The following PHLPP1 variants were observed in gnomAD, a reference collection of about 807,000 sequenced individuals.
The protein encoded by PHLPP1 is PH domain leucine-rich repeat-containing protein phosphatase 1.
A neutral mutation model predicts 117.2 loss-of-function variants in PHLPP1; 42 were observed. The observed-to-expected ratio is 0.36, with a 90% confidence interval of 0.28 to 0.46. The LOEUF is 0.46. PHLPP1 is among the 20% of genes least tolerant of loss of function. PHLPP1 has a pLI of 1.00. For synonymous variants in PHLPP1, 1,042 were observed against 970.7 expected (o/e 1.07, Z -1.37); for missense variants, 2,084 against 2,241.9 (o/e 0.93, Z 1.42).
intron 16 of PHLPP1, among the ~76,000 whole-genome samples, chr18:62,977,453 A>G (rs73963652): frequency 8.5e-6 from 1 of 117,582 alleles, no homozygotes; most frequent in African/African-American, 3.3e-5. Flanking sequence ...AAAAAAAAAA[A>G]CCCAGGTCTT....
chr18:62,937,422 G>A (rs1416450668), intron 10 of PHLPP1, among the ~76,000 whole-genome samples: 1 of 152,194 alleles, frequency 6.6e-6, no homozygotes, highest in Non-Finnish European at 1.5e-5. Context: ...GTGCACACGT[G>A]GTCTTCACAT....
intron 4 of PHLPP1, among the ~76,000 whole-genome samples, chr18:62,866,063 T>C (rs984710796): frequency 2.6e-5 from 4 of 152,208 alleles, no homozygotes; most frequent in African/African-American, 9.7e-5. Context: ...TCCAACCTAA[T>C]GCTCTCTTTT....
chr18:62,753,329 A>G (rs1911916159), intron 1 of PHLPP1, among the ~76,000 whole-genome samples: 1 of 152,218 alleles, frequency 6.6e-6, no homozygotes, highest in Admixed American at 6.5e-5. Context: ...TGATTTAATC[A>G]ACTGAGTTTA....
At chr18:62,721,292 G>T (rs1910907994) in intron 1 of PHLPP1, among the ~76,000 whole-genome samples, 1 of 152,130 alleles carries the variant, frequency 6.6e-6, no homozygotes, top group Non-Finnish European at 1.5e-5. Context: ...TTGGATTTAA[G>T]TTGATATGAA....
At chr18:62,752,246 C>A (rs1332684059) in intron 1 of PHLPP1, among the ~76,000 whole-genome samples, 1 of 151,998 alleles carries the variant, frequency 6.6e-6, no homozygotes, top group Non-Finnish European at 1.5e-5. Flanking sequence ...CTGTCCAGGC[C>A]CCCCGCGCCC....
intron 3 of PHLPP1, 72 bp from the exon 4 acceptor site, chr18:62,860,363 C>T (rs773044222): frequency 2.0e-5 from 26 of 1,283,378 alleles, no homozygotes; most frequent in African/African-American, 4.4e-5. Context: ...TTGGGATTAT[C>T]TTATTTCTAT....
At chr18:62,866,735 C>T (rs1184545760) in intron 4 of PHLPP1, among the ~76,000 whole-genome samples, 1 of 152,144 alleles carries the variant, frequency 6.6e-6, no homozygotes, top group African/African-American at 2.4e-5. Context: ...TTGGGCATGA[C>T]CCACTTCAGG....
At chr18:62,934,296 C>T (rs1007728943) in intron 10 of PHLPP1, among the ~76,000 whole-genome samples, 3 of 152,206 alleles carry the variant, frequency 2.0e-5, no homozygotes, top group Admixed American at 2.0e-4. Flanking sequence ...ACACTATTCA[C>T]AATAGCAAAG....
rs1491171718 is a variant in PHLPP1, at chr18:62,766,103, A to ATATATAT, written c.1576+48844_1576+48845insTATATAT. Among the ~76,000 whole-genome samples, 349 of 53,198 alleles carry ATATATAT rather than the reference A, an allele frequency of 6.6e-3. 13 individuals are homozygous for ATATATAT. The highest frequency in any genetic ancestry group is 0.012 in the Non-Finnish European group (290 of 25,062). 34.9% of individuals were successfully genotyped at this position (53,198 alleles called of 152,430 possible). On this transcript the variant is annotated intron_variant, in intron 1 of 16. Transcript: ENST00000262719. ...TATATATATATATATATATATATAT[A>ATATATAT]AAATATATATATATTTGTACAGAAA...
intron 6 of PHLPP1, among the ~76,000 whole-genome samples, chr18:62,901,443 T>C (rs1485671396): frequency 2.6e-5 from 4 of 152,192 alleles, no homozygotes. Flanking sequence ...GGCCATATGC[T>C]GTGCTTGCGT....
At position 62,941,855 on chromosome 18, in the gene PHLPP1, C is replaced by T. The variant is rs997150186; in HGVS notation, c.3098C>T (p.Thr1033Met). ...SLTDKCVPLL[T>M]GHPHLKILHM... ...ACAGACAAATGTGTGCCCTTGTTAA[C>T]GGGACACCCCCATTTGAAGATCCTT... Residue 1033 changes from threonine to methionine, a missense_variant, in exon 11 of 17, where the codon ACG becomes ATG. Thr to Met is a moderately conservative substitution (Grantham distance 81). This residue lies in a region of PHLPP1 where 1,365 missense variants were observed against 1,605.9 expected (regional missense o/e 0.85). Transcript: ENST00000262719. The T allele has an allele frequency of 2.8e-5, 45 of 1,613,850 alleles. No individual in the cohort carries two copies. Among genetic ancestry groups the T allele is most frequent in the East Asian group, 1.3e-4 (6 of 44,902 alleles).
In PHLPP1 at chr18:62,945,243, C is replaced by A. The variant is rs377561712; in HGVS notation, c.3296C>A (p.Pro1099His). The A allele has an allele frequency of 9.3e-6, 15 of 1,606,276 alleles. No individual in the cohort carries two copies. The African/African-American group carries it at 1.7e-4, about 19-fold the overall frequency. Reference sequence around the variant, plus strand: ...CACTCCAACTGCATCGAGGTCTTTCCCGAAGTTATGCAGCTCCCAGAGATC... The same window carrying A: ...CACTCCAACTGCATCGAGGTCTTTCACGAAGTTATGCAGCTCCCAGAGATC... ...IAHSNCIEVFPEVMQLPEIKC... is the reference protein window; with the variant it reads ...IAHSNCIEVFHEVMQLPEIKC... The change falls in exon 12 of 17, where the codon CCC becomes CAC. Residue 1099 changes from proline (P) to histidine (H), a missense_variant. Transcript: ENST00000262719.
chr18:62,950,868 G>T (rs1910435098), intron 12 of PHLPP1, among the ~76,000 whole-genome samples: 1 of 152,182 alleles, frequency 6.6e-6, no homozygotes, highest in Non-Finnish European at 1.5e-5. Flanking sequence ...CTACTGGAAA[G>T]TGGCCATTGA....
intron 1 of PHLPP1, among the ~76,000 whole-genome samples, chr18:62,799,478 G>T (rs527830622): frequency 6.6e-6 from 1 of 152,168 alleles, no homozygotes; most frequent in African/African-American, 2.4e-5. Context: ...AGAAAGGACC[G>T]CAGAGTTCAT....
At chr18:62,744,259 A>G (rs1187986112) in intron 1 of PHLPP1, among the ~76,000 whole-genome samples, 1 of 152,080 alleles carries the variant, frequency 6.6e-6, no homozygotes, top group African/African-American at 2.4e-5. Flanking sequence ...GTGCGAGCAC[A>G]CTCCTCATAC....
At chr18:62,888,910 T>C (rs1419876035) in intron 4 of PHLPP1, among the ~76,000 whole-genome samples, 1 of 152,210 alleles carries the variant, frequency 6.6e-6, no homozygotes, top group African/African-American at 2.4e-5. Flanking sequence ...CTCTCATAAC[T>C]TAAACATTGC....
At chr18:62,790,734 G>C (rs1255156541) in intron 1 of PHLPP1, among the ~76,000 whole-genome samples, 1 of 152,168 alleles carries the variant, frequency 6.6e-6, no homozygotes, top group Non-Finnish European at 1.5e-5. Context: ...AGAAACTGTG[G>C]ATAGAAAGAT....
At chr18:62,844,254 T>A (rs1270204821) in intron 3 of PHLPP1, among the ~76,000 whole-genome samples, 1 of 152,102 alleles carries the variant, frequency 6.6e-6, no homozygotes. Context: ...GGAGAATCGC[T>A]TTTGAACCCA....
In PHLPP1 at chr18:62,742,373, T is replaced by C. The variant is rs1599021562; in HGVS notation, c.1576+25114T>C. Among the ~76,000 whole-genome samples the C allele has an allele frequency of 1.3e-5, 2 of 152,216 alleles. 1 individual carries two copies. The highest frequency in any genetic ancestry group is 1.3e-4 in the Admixed American group (2 of 15,280). On this transcript the variant is annotated intron_variant, in intron 1 of 16. Transcript: ENST00000262719. Reference sequence around the variant, plus strand: ...CTCTATGTTATCTGAGGCCCCAAGATGCTCCCAGAATGCAAAGGGGTGTGG... The same window carrying C: ...CTCTATGTTATCTGAGGCCCCAAGACGCTCCCAGAATGCAAAGGGGTGTGG...
Sources: allele counts gnomAD v4.1 joint callset (sites outside exome capture counted in the v4.1 genomes callset), GRCh38; gene constraint gnomAD v4.1.1; regional missense constraint gnomAD v4.1.1; transcripts MANE v1.5; gene names NCBI Gene and HGNC (gene_info 2026-07-23, HGNC 2026-07-21).